The following MACF1 variants were observed in gnomAD, a reference collection of about 807,000 sequenced individuals.
The protein encoded by MACF1 is microtubule-actin cross-linking factor 1.
MACF1 carries 193 observed loss-of-function variants against 854.8 expected under a neutral mutation model. The ratio of observed to expected loss-of-function variants is 0.23; its 90% CI spans 0.20 to 0.25. The LOEUF (loss-of-function observed/expected upper bound fraction) is 0.25, where lower values mean the gene tolerates loss of function less well. MACF1 is among the 10% of genes least tolerant of loss of function. MACF1 has a pLI of 1.00. For missense variants in MACF1, 7,722 were observed against 8,929.1 expected (o/e 0.86, Z 5.45); for synonymous variants, 3,185 against 3,226.7 (o/e 0.99, Z 0.44).
chr1:39,157,280 A>G (rs971985200), intron 2 of MACF1, among the ~76,000 whole-genome samples: 1 of 152,258 alleles, frequency 6.6e-6, no homozygotes. Flanking sequence ...CCTTTCCATT[A>G]TCTTAGCAGC....
At chr1:39,229,685 A>G (rs1261992009) in intron 1 of MACF1, among the ~76,000 whole-genome samples, 2 of 152,176 alleles carry the variant, frequency 1.3e-5, no homozygotes, top group Non-Finnish European at 2.9e-5. Flanking sequence ...TAGTGAGGGC[A>G]GCTTTGAATT....
At chr1:39,285,829 A>G in intron 14 of MACF1, 71 bp downstream of exon 14, 2 of 1,540,870 alleles carry the variant, frequency 1.3e-6, no homozygotes, top group East Asian at 2.3e-5. Flanking sequence ...AGAGTAGAGC[A>G]AGAGTCAGGC....
intron 35 of MACF1, among the ~76,000 whole-genome samples, chr1:39,325,343 A>G (rs973306250): frequency 6.6e-6 from 1 of 152,222 alleles, no homozygotes; most frequent in South Asian, 2.1e-4. Flanking sequence ...ACATTTGGCA[A>G]GTTAGAAGTC....
At chr1:39,366,943 CTTTTTTTTT>C (rs138556133) in intron 49 of MACF1, among the ~76,000 whole-genome samples, 1 of 93,028 alleles carries the variant, frequency 1.1e-5, no homozygotes, top group Non-Finnish European at 2.0e-5. Flanking sequence ...CATGCCTGGC[CTTTTTTTTT>C]TTTTTTTTTT....
intron 1 of MACF1, among the ~76,000 whole-genome samples, chr1:39,223,417 A>C (rs1644676859): frequency 6.6e-6 from 1 of 152,062 alleles, no homozygotes; most frequent in Non-Finnish European, 1.5e-5. Context: ...ATCTGTCTGG[A>C]CTTTATTTTT....
chr1:39,245,270 A>G (rs1644970176), intron 2 of MACF1, among the ~76,000 whole-genome samples: 1 of 152,152 alleles, frequency 6.6e-6, no homozygotes, highest in East Asian at 1.9e-4. Context: ...CTTGGTCCTC[A>G]AGACCAACTG....
chr1:39,319,827 C>G (rs944403438), intron 31 of MACF1, 80 bp downstream of exon 31: 2 of 1,018,046 alleles, frequency 2.0e-6, no homozygotes, highest in African/African-American at 3.3e-5. Context: ...GGTTCTGTTT[C>G]TAGACAAATT....
chr1:39,332,720 T>G lies in MACF1; in HGVS notation c.6132T>G (p.Phe2044Leu), dbSNP rs202087324. 10 of 1,614,064 alleles carry G rather than the reference T, an allele frequency of 6.2e-6. No individual in the cohort carries two copies. The highest frequency in any genetic ancestry group is 2.5e-6 in the Non-Finnish European group (3 of 1,180,028). The change falls in exon 37 of 101, where the codon TTT (phenylalanine) becomes TTG (leucine). Residue 2044 changes from phenylalanine (F) to leucine (L), a missense_variant. Around this residue, in one of 15 missense-constraint regions of MACF1, gnomAD observed 1,531 missense variants for 1,601.6 expected, o/e 0.96. Transcript: ENST00000564288. ...CTGTGAGGCTGCCTGAGTTCCAGTTTTCTTCTCAGAACAAAGAATATCCCG... is the reference window on the plus strand; with the variant it reads ...CTGTGAGGCTGCCTGAGTTCCAGTTGTCTTCTCAGAACAAAGAATATCCCG... ...GWTVRLPEFQ[F>L]SSQNKEYPDR...
intron 2 of MACF1, among the ~76,000 whole-genome samples, chr1:39,165,129 C>G (rs1255755280): frequency 6.6e-6 from 1 of 152,166 alleles, no homozygotes; most frequent in African/African-American, 2.4e-5. Flanking sequence ...AAGAAAGTCT[C>G]TGCAGCAGTT....
chr1:39,410,661 G>C lies in MACF1; in HGVS notation c.15817-11713G>C, dbSNP rs774501977. ...GCAAAGACAATGTTAACAGGAGATC[G>C]TGGAAGTCCTTCATGCCACCCAACT... is the stretch of plus-strand genomic sequence containing the variant. On this transcript the variant is annotated intron_variant, in intron 58 of 100. Transcript: ENST00000564288. 29 of 1,613,838 alleles carry C rather than the reference G, an allele frequency of 1.8e-5. No individual in the cohort carries two copies. The South Asian group carries it at 3.2e-4, about 18-fold the overall frequency.
chr1:39,385,848 G>T lies in MACF1; in HGVS notation c.14263G>T (p.Gly4755Cys). Residue 4755 changes from glycine to cysteine, a missense_variant, in exon 57 of 101, where the codon GGT becomes TGT. Physicochemically the swap from Gly to Cys is radical, Grantham distance 159. This residue lies in a region of MACF1 where 2,807 missense variants were observed against 3,235.8 expected (regional missense o/e 0.87). Transcript: ENST00000564288. ...GTGCGATGAACTCTCAGTGCTCATT[G>T]GTGAGCAGTACCTCAAGGATGAACT... ...TLCDELSVLI[G>C]EQYLKDELKK... The T allele has an allele frequency of 3.1e-6, 5 of 1,614,066 alleles. No individual in the cohort carries two copies. Among genetic ancestry groups the T allele is most frequent in the Non-Finnish European group, 4.2e-6 (5 of 1,179,926 alleles).
chr1:39,480,815 T>G, intron 98 of MACF1, 105 bp from the exon 99 acceptor site: 2 of 656,100 alleles, frequency 3.0e-6, no homozygotes, highest in Non-Finnish European at 5.4e-6. Context: ...TTCTGTTTCT[T>G]TAAAATTTAG....
At chr1:39,355,042 A>G (rs1375060964) in intron 44 of MACF1, among the ~76,000 whole-genome samples, 1 of 152,234 alleles carries the variant, frequency 6.6e-6, no homozygotes, top group Non-Finnish European at 1.5e-5. Flanking sequence ...CACATGGATC[A>G]TATATTTTAG....
intron 1 of MACF1, among the ~76,000 whole-genome samples, chr1:39,219,971 G>A (rs1415422990): frequency 2.0e-5 from 3 of 151,974 alleles, no homozygotes; most frequent in African/African-American, 4.8e-5. Flanking sequence ...GGCTAGTCTC[G>A]AACTCCTGAC....
chr1:39,141,229 G>A (rs1404492287), intron 2 of MACF1, among the ~76,000 whole-genome samples: 1 of 152,130 alleles, frequency 6.6e-6, no homozygotes, highest in Non-Finnish European at 1.5e-5. Flanking sequence ...AGCAGAAGCA[G>A]CATAACTTGT....
intron 87 of MACF1, 95 bp from the exon 88 acceptor site, chr1:39,453,612 A>T: frequency 8.9e-7 from 1 of 1,118,306 alleles, no homozygotes; most frequent in Non-Finnish European, 1.3e-6. Flanking sequence ...ATGGAGGAAA[A>T]AGAAAACATT....
At chr1:39,408,422 G>A (rs1642800495) in intron 58 of MACF1, among the ~76,000 whole-genome samples, 2 of 152,170 alleles carry the variant, frequency 1.3e-5, no homozygotes, top group Admixed American at 1.3e-4. Context: ...GGCAAGGGGC[G>A]CGCTAAAGGT....
At chr1:39,216,909 T>A (rs1470184345) in intron 1 of MACF1, among the ~76,000 whole-genome samples, 1 of 152,166 alleles carries the variant, frequency 6.6e-6, no homozygotes, top group African/African-American at 2.4e-5. Context: ...CACTGTAGAC[T>A]AATAGCTAAG....
chr1:39,105,285 G>A lies in MACF1; in HGVS notation c.220+20847G>A. On this transcript the variant is annotated intron_variant, in intron 2 of 93. Coordinates refer to the MACF1 transcript ENST00000361689. This position sits in a 1 kb window ranked among gnomAD's most constrained non-coding sequence, Gnocchi z 5.9. The stretch of plus-strand genomic sequence containing the variant: ...CCCGGAGGCGGCGGGGAGAGGGGGC[G>A]GGGAACGGGCCGGGCCTGGCGCTCC... 1 of 511,802 alleles carries A rather than the reference G, an allele frequency of 2.0e-6. No homozygotes were observed. Among genetic ancestry groups the A allele is most frequent in the Non-Finnish European group, 2.5e-6 (1 of 397,814 alleles). The allele number at this position is 511,802 out of a possible 1,614,324, so 31.7% of individuals were successfully genotyped here. A position where few individuals can be genotyped will look rare whatever the true frequency, so the allele number is the denominator to read the frequency against.
Sources: gnomAD v4.1 joint callset for allele counts (sites outside exome capture counted in the v4.1 genomes callset) on GRCh38, gnomAD v4.1.1 for gene constraint, gnomAD v4.1.1 regional missense constraint, Gnocchi (gnomAD v3.1) non-coding constraint, MANE v1.5 for transcripts, NCBI Gene and HGNC (gene_info 2026-07-23, HGNC 2026-07-21) for gene names.